The following SH2D4B variants were observed in gnomAD, a reference collection of about 807,000 sequenced individuals.
SH2D4B encodes the protein SH2 domain-containing protein 4B.
In SH2D4B, 45 loss-of-function variants were observed where a neutral mutation model predicts 61.5. That is an observed-to-expected ratio of 0.73 (90% CI 0.58 to 0.94). The LOEUF (loss-of-function observed/expected upper bound fraction) is 0.94, where lower values mean the gene tolerates loss of function less well. Ranked by LOEUF, SH2D4B falls within the 40% of genes least tolerant of loss-of-function variation. The pLI, the probability that SH2D4B is intolerant of heterozygous loss-of-function variation, is 0.00. For missense variants in SH2D4B, 572 were observed against 574.2 expected (o/e 1.00, Z 0.04); for synonymous variants, 224 against 220.4 (o/e 1.02, Z -0.14).
chr10:80,622,412 T>G (rs767446430), intron 6 of SH2D4B, among the ~76,000 whole-genome samples: 1 of 152,216 alleles, frequency 6.6e-6, no homozygotes, highest in Non-Finnish European at 1.5e-5. Context: ...TTCCTGAATT[T>G]TTGCAGTTAA....
intron 6 of SH2D4B, among the ~76,000 whole-genome samples, chr10:80,627,785 G>A (rs1420071474): frequency 6.6e-6 from 1 of 151,750 alleles, no homozygotes; most frequent in Non-Finnish European, 1.5e-5. Flanking sequence ...TTATTAAAGG[G>A]AGGAAGAAGA....
intron 5 of SH2D4B, among the ~76,000 whole-genome samples, chr10:80,604,037 G>A (rs1195865116): frequency 6.6e-6 from 1 of 152,234 alleles, no homozygotes; most frequent in Non-Finnish European, 1.5e-5. Context: ...ATTCCTTTGA[G>A]AATCTGAAGA....
At chr10:80,550,025 A>C (rs1841737555) in intron 1 of SH2D4B, among the ~76,000 whole-genome samples, 1 of 151,914 alleles carries the variant, frequency 6.6e-6, no homozygotes, top group Non-Finnish European at 1.5e-5. Flanking sequence ...ATCTGTGTCC[A>C]CAAGGAAAGA....
At chr10:80,601,046 G>A (rs1469080907) in intron 4 of SH2D4B, among the ~76,000 whole-genome samples, 2 of 152,128 alleles carry the variant, frequency 1.3e-5, no homozygotes, top group South Asian at 2.1e-4. Context: ...TTTAGAAGCC[G>A]CAACATACGG....
chr10:80,570,240 C>T lies in SH2D4B; in HGVS notation c.271C>T (p.Pro91Ser), dbSNP rs199980028. ...CATGGGAGAAGGCCCTGGTGACAAG[C>T]CCTACGAAGAGATCTCTGAGGAGCT... ...WIMGEGPGDK[P>S]YEEISEELIA... Residue 91 changes from proline to serine, a missense_variant, in exon 2 of 8, where the codon CCC becomes TCC. Physicochemically the swap from Pro to Ser is moderately conservative, Grantham distance 74. Transcript: ENST00000646907. The T allele has an allele frequency of 8.7e-6, 14 of 1,614,140 alleles. No homozygotes were observed. In the African/African-American group the frequency reaches 1.1e-4, roughly 12 times the overall value.
At chr10:80,588,812 G>A (rs199717333) in intron 4 of SH2D4B, 35 bp downstream of exon 4, 1 of 1,610,830 alleles carries the variant, frequency 6.2e-7, no homozygotes, top group East Asian at 2.2e-5. Context: ...AGGGAGACCA[G>A]TCCCGCCTCC....
At chr10:80,611,253 A>G (rs141568279) in intron 6 of SH2D4B, among the ~76,000 whole-genome samples, 24 of 150,832 alleles carry the variant, frequency 1.6e-4, no homozygotes, top group African/African-American at 5.6e-4. Context: ...AGAACCACAC[A>G]TTGGCTCCTA....
rs1317147513 is a variant in SH2D4B at position 80,541,080 on chromosome 10, G to A, written c.184+2565G>A. 13 of 696,120 alleles carry A rather than the reference G, an allele frequency of 1.9e-5. No homozygotes were observed. In the Admixed American group the frequency reaches 2.7e-4, roughly 15 times the overall value. The allele number at this position is 696,120 out of a possible 1,614,324, so 43.1% of individuals were successfully genotyped here. On this transcript the variant is annotated intron_variant, in intron 1 of 7. Coordinates refer to ENST00000646907, the MANE Select transcript of SH2D4B (RefSeq NM_001388272.1). Reference sequence around the variant, plus strand: ...GAGAGAGAAGTGCGGGCGTGCTCATGAGAACGTGTCACACCCAGCAGAGTC... The same window carrying A: ...GAGAGAGAAGTGCGGGCGTGCTCATAAGAACGTGTCACACCCAGCAGAGTC...
At chr10:80,572,853 T>A (rs1842065545) in intron 3 of SH2D4B, among the ~76,000 whole-genome samples, 1 of 146,954 alleles carries the variant, frequency 6.8e-6, no homozygotes, top group Non-Finnish European at 1.5e-5. Context: ...CTCCTGACTT[T>A]GTGATCTGCC....
chr10:80,587,131 T>TA (rs1842264927), intron 3 of SH2D4B, among the ~76,000 whole-genome samples: 1 of 52,362 alleles, frequency 1.9e-5, no homozygotes, highest in Non-Finnish European at 3.6e-5. Flanking sequence ...TCCGGCCACG[T>TA]TTTTTTTTTT....
chr10:80,563,313 T>G (rs974834183), intron 1 of SH2D4B, among the ~76,000 whole-genome samples: 1 of 152,342 alleles, frequency 6.6e-6, no homozygotes, highest in African/African-American at 2.4e-5. Flanking sequence ...TTTCTTCTGT[T>G]GAGTTGTTTG....
At chr10:80,617,140 A>C (rs1455841599) in intron 6 of SH2D4B, among the ~76,000 whole-genome samples, 1 of 152,242 alleles carries the variant, frequency 6.6e-6, no homozygotes, top group Non-Finnish European at 1.5e-5. Context: ...GCCATCTCAC[A>C]GCTGAGGGGA....
At chr10:80,609,696 GTCC>G in intron 6 of SH2D4B, 145 bp downstream of exon 6, 3 of 1,321,062 alleles carry the variant, frequency 2.3e-6, no homozygotes, top group Non-Finnish European at 3.1e-6. Context: ...CCCAGTGGGA[GTCC>G]AGGAGGCTGC....
Position 80,603,788 on chromosome 10 carries a change from C to T in SH2D4B, c.853C>T (p.Pro285Ser), listed in dbSNP as rs1239716831. Residue 285 changes from proline (P) to serine (S), a missense_variant, in exon 5 of 8, where the codon CCG (proline) becomes TCG (serine). Physicochemically the swap from Pro to Ser is moderately conservative, Grantham distance 74. Transcript: ENST00000646907. ...GGGTCTGCCGCAGCCCCTTGCCCTG[C>T]CGGTCAGGTGGGTCCAGGCTCCGTG... ...DPGLPQPLAL[P>S]VSRTWERPLR... 1.2e-6 allele frequency: 2 copies of T among 1,609,052 alleles called. No homozygotes were observed. Among genetic ancestry groups the T allele is most frequent in the Non-Finnish European group, 1.7e-6 (2 of 1,179,018 alleles).
intron 7 of SH2D4B, among the ~76,000 whole-genome samples, chr10:80,634,994 CT>C (rs1255335214): frequency 6.6e-6 from 1 of 152,206 alleles, no homozygotes; most frequent in Non-Finnish European, 1.5e-5. Flanking sequence ...AGCTTAACCA[CT>C]TAGTACATGT....
At chr10:80,615,701 A>G (rs965338493) in intron 6 of SH2D4B, among the ~76,000 whole-genome samples, 3 of 152,078 alleles carry the variant, frequency 2.0e-5, no homozygotes, top group African/African-American at 7.2e-5. Flanking sequence ...TTCCAGGATT[A>G]GTAGGAAGAC....
chr10:80,568,677 A>G (rs1257685671), intron 1 of SH2D4B, among the ~76,000 whole-genome samples: 1 of 152,162 alleles, frequency 6.6e-6, no homozygotes, highest in Non-Finnish European at 1.5e-5. Flanking sequence ...ATCTCTTGCA[A>G]TGTCGGTCCT....
chr10:80,599,155 G>C (rs1842416087), intron 4 of SH2D4B, among the ~76,000 whole-genome samples: 1 of 152,204 alleles, frequency 6.6e-6, no homozygotes, highest in African/African-American at 2.4e-5. Flanking sequence ...ACCAGAGTCG[G>C]GGTCAGTGAT....
intron 3 of SH2D4B, among the ~76,000 whole-genome samples, chr10:80,585,294 T>C (rs1842230351): frequency 6.6e-6 from 1 of 151,790 alleles, no homozygotes; most frequent in Non-Finnish European, 1.5e-5. Flanking sequence ...AAAATGAAAG[T>C]ACACCTAAGG....
Sources: allele counts gnomAD v4.1 joint callset (sites outside exome capture counted in the v4.1 genomes callset), GRCh38; gene constraint gnomAD v4.1.1; transcripts MANE v1.5; gene names NCBI Gene and HGNC (gene_info 2026-07-23, HGNC 2026-07-21).